Variants in TTN observed in about 807,000 individuals in gnomAD.
TTN encodes titin.
Under a neutral mutation model 3,223.0 loss-of-function variants are expected in TTN, and 1,525 were observed. That is an observed-to-expected ratio of 0.47 (90% CI 0.45 to 0.49). The LOEUF is 0.49. TTN is among the 20% of genes least tolerant of loss of function. The pLI is 0.00. For missense variants in TTN, 40,786 were observed against 43,424.0 expected (o/e 0.94, Z 5.40); for synonymous variants, 14,094 against 15,161.0 (o/e 0.93, Z 5.17).
rs1210629160 is a variant in TTN at position 178,779,139 on chromosome 2, G to T, written c.3964-21C>A. On this transcript the variant is annotated intron_variant, in intron 23 of 362. Coordinates refer to ENST00000589042, the MANE Select transcript of TTN (RefSeq NM_001267550.2). ...GCAATCTGCAAAGAATACCATGCAT[G>T]TATGAATAAAATTTACATCAAATAG... 6 of 1,613,222 alleles carry T rather than the reference G, an allele frequency of 3.7e-6. No homozygotes were observed. In the Admixed American group the frequency reaches 5.0e-5, roughly 13 times the overall value.
In TTN at chr2:178,617,966, A is replaced by G. The variant is rs1299417939; in HGVS notation, c.47385T>C (p.Ile15795=). 2.5e-6 allele frequency: 4 copies of G among 1,612,608 alleles called. No homozygotes were observed. In the South Asian group the frequency reaches 4.4e-5, roughly 18 times the overall value. Residue 15795 remains isoleucine, a synonymous_variant, in exon 253 of 363, where the codon ATT becomes ATC. Transcript: ENST00000589042. ...TGATAGAAGTCTTGTCTCTTAATTC[A>G]ATGACGTAGTTTGTGATCTCAGCAC... ...DGGAEITNYV[I]ELRDKTSIRW... is the part of the protein sequence containing the mutation.
At chr2:178,544,614 C>G in intron 344 of TTN, 108 bp from the exon 345 acceptor site, 2 of 890,060 alleles carry the variant, frequency 2.2e-6, no homozygotes, top group Non-Finnish European at 3.4e-6. Context: ...CTTGTCCACA[C>G]TCACCAAGAT....
In TTN at chr2:178,779,439, T is replaced by G. The variant is rs1385616683; in HGVS notation, c.3753A>C (p.Glu1251Asp). ...EDQEFHISSF[E>D]ERLIKEIEYR... ...ATTCAATTTCTTTAATAAGTCTCTC[T>G]TCAAAGGAAGAAATATGGAATTCCT... Residue 1251 changes from glutamate to aspartate, a missense_variant, in exon 23 of 363, where the codon GAA becomes GAC. Glu to Asp is a conservative substitution (Grantham distance 45). Transcript: ENST00000589042. 1 of 1,555,990 alleles carries G rather than the reference T, an allele frequency of 6.4e-7. No individual in the cohort carries two copies. The highest frequency in any genetic ancestry group is 8.8e-7 in the Non-Finnish European group (1 of 1,130,798).
Position 178,610,296 on chromosome 2 carries a change from G to A in TTN, c.51230C>T (p.Thr17077Ile). The change falls in exon 271 of 363, where the codon ACC becomes ATC. Residue 17077 changes from threonine to isoleucine, a missense_variant. Transcript: ENST00000589042. ...CTCCAGGACATAATGAAGAATTGGG[G>A]TTCCACCATCAAATTCTGGAGGTTC... ...TWEPPEFDGG[T>I]PILHYVLERR... is the part of the protein sequence containing the mutation. 6.2e-7 allele frequency: 1 copy of A among 1,612,890 alleles called. No homozygotes were observed. The highest frequency in any genetic ancestry group is 8.5e-7 in the Non-Finnish European group (1 of 1,179,238).
Position 178,652,733 on chromosome 2 carries a change from G to A in TTN, c.38963C>T (p.Pro12988Leu), listed in dbSNP as rs1487196893. The change falls in exon 201 of 363, where the codon CCA becomes CTA. Residue 12988 changes from proline (P) to leucine (L), a missense_variant. By Grantham distance (98) the Pro-to-Leu change is moderately conservative (BLOSUM62 -3). Transcript: ENST00000589042. ...KKPEVPPVKVPEAPKEVVPEK... is the reference protein window; with the variant it reads ...KKPEVPPVKVLEAPKEVVPEK... ...AGGAACAACCTCTTTGGGAGCCTCT[G>A]GTACTTAAAAGATATTAGTGAAATT... 1.9e-6 allele frequency: 3 copies of A among 1,612,806 alleles called. No homozygotes were observed. Among genetic ancestry groups the A allele is most frequent in the Non-Finnish European group, 2.5e-6 (3 of 1,179,388 alleles).
intron 308 of TTN, 114 bp downstream of exon 308, chr2:178,586,391 T>C (rs1409142351): frequency 1.5e-6 from 2 of 1,296,346 alleles, no homozygotes; most frequent in African/African-American, 1.5e-5. Context: ...CACTGTTCTC[T>C]ACTGTTTTTC....
At position 178,730,275 on chromosome 2, in the gene TTN, G is replaced by A; in HGVS notation, c.18125C>T (p.Thr6042Ile). Residue 6042 changes from threonine to isoleucine, a missense_variant, in exon 62 of 363, where the codon ACA (threonine) becomes ATA (isoleucine). Thr to Ile is a moderately conservative substitution (Grantham distance 89). Transcript: ENST00000589042. ...KALVGGTAPM[T>I]IKWFKDNKEL... Reference sequence around the variant, plus strand: ...TTTGTTATCTTTAAACCACTTTATTGTCATGGGTGCAGTGCCACCCACAAG... The same window carrying A: ...TTTGTTATCTTTAAACCACTTTATTATCATGGGTGCAGTGCCACCCACAAG... The A allele has an allele frequency of 6.2e-7, 1 of 1,612,860 alleles. No homozygotes were observed. The highest frequency in any genetic ancestry group is 8.5e-7 in the Non-Finnish European group (1 of 1,179,422).
At chr2:178,582,707 G>T in intron 313 of TTN, 115 bp from the exon 314 acceptor site, 1 of 1,107,062 alleles carries the variant, frequency 9.0e-7, no homozygotes, top group Non-Finnish European at 1.2e-6. Context: ...GACCTAGGAG[G>T]TTAGTTAATT....
chr2:178,607,697 G>A lies in TTN; in HGVS notation c.53003-12C>T. On this transcript the variant is annotated splice_polypyrimidine_tract_variant and intron_variant, in intron 276 of 362. Transcript: ENST00000589042. Reference sequence around the variant, plus strand: ...CACAGCTGGAGGCTCTGTTGAAAGAGAACAGTCATGCATTAGCCCATGAAA... The same window carrying A: ...CACAGCTGGAGGCTCTGTTGAAAGAAAACAGTCATGCATTAGCCCATGAAA... 3.7e-6 allele frequency: 6 copies of A among 1,612,648 alleles called. No homozygotes were observed. Among genetic ancestry groups the A allele is most frequent in the Non-Finnish European group, 5.1e-6 (6 of 1,179,280 alleles).
chr2:178,728,147 T>G lies in TTN; in HGVS notation c.19677A>C (p.Ala6559=), dbSNP rs372654116. 2.0e-5 allele frequency: 32 copies of G among 1,604,384 alleles called. No individual in the cohort carries two copies. Among genetic ancestry groups the G allele is most frequent in the Non-Finnish European group, 2.6e-5 (30 of 1,174,320 alleles). The part of the protein sequence containing the change: ...ANYTCKVSNV[A]GDDACSGILT... Reference sequence around the variant, plus strand: ...AGATGCCACTGCATGCATCATCTCCTGCTACATTTGACACTTTGCATGTGT... The same window carrying G: ...AGATGCCACTGCATGCATCATCTCCGGCTACATTTGACACTTTGCATGTGT... Residue 6559 remains alanine, a synonymous_variant, in exon 67 of 363, where the codon GCA becomes GCC. Transcript: ENST00000589042.
Position 178,566,768 on chromosome 2 carries a change from T to A in TTN, c.79364A>T (p.His26455Leu), listed in dbSNP as rs1706027095. 1.9e-6 allele frequency: 3 copies of A among 1,613,416 alleles called. No homozygotes were observed. The highest frequency in any genetic ancestry group is 2.5e-6 in the Non-Finnish European group (3 of 1,179,666). ...RLRVTGLTED[H>L]EYEFRVSAEN... ...TGCAGAGACCCTGAATTCATACTCA[T>A]GATCTTCTGTTAATCCTGTCACTCT... Residue 26455 changes from histidine (H) to leucine (L), a missense_variant, in exon 326 of 363, where the codon CAT (histidine) becomes CTT (leucine). His to Leu is a moderately conservative substitution (Grantham distance 99). Transcript: ENST00000589042.
chr2:178,753,332 C>T lies in TTN; in HGVS notation c.11255-152G>A, dbSNP rs1479871186. 9.9e-5 allele frequency: 58 copies of T among 587,096 alleles called. No homozygotes were observed. The East Asian group carries it at 1.7e-3, about 17-fold the overall frequency. 36.4% of individuals were successfully genotyped at this position (587,096 alleles called of 1,614,324 possible). A position where few individuals can be genotyped will look rare whatever the true frequency, so the allele number is the denominator to read the frequency against. ...TACCAAAAAGTCCATGCCAAACAAA[C>T]TATTGAGCTGATAAAACACATGACA... On this transcript the variant is annotated intron_variant, in intron 46 of 362. Transcript: ENST00000589042.
intron 127 of TTN, among the ~76,000 whole-genome samples, chr2:178,687,483 C>T (rs1254523794): frequency 6.6e-6 from 1 of 151,946 alleles, no homozygotes; most frequent in Non-Finnish European, 1.5e-5. Context: ...TGGTTTTCTC[C>T]ATATGTAAAA....
chr2:178,779,083 A>G lies in TTN; in HGVS notation c.3999T>C (p.His1333=). Residue 1333 remains histidine (H), a synonymous_variant, in exon 24 of 363, where the codon CAT becomes CAC. Coordinates refer to ENST00000589042, the MANE Select transcript of TTN (RefSeq NM_001267550.2). Reference sequence around the variant, plus strand: ...GAAAGTCCATTTGGTATCTTTCTCCATGTTTGATGCGCTTGCCATCTTTGT... The same window carrying G: ...GAAAGTCCATTTGGTATCTTTCTCCGTGTTTGATGCGCTTGCCATCTTTGT... The part of the protein sequence containing the change: ...AWYKDGKRIK[H]GERYQMDFLQ... 3.7e-6 allele frequency: 6 copies of G among 1,613,974 alleles called. No individual in the cohort carries two copies. The highest frequency in any genetic ancestry group is 5.1e-6 in the Non-Finnish European group (6 of 1,179,944).
rs764015733 is a variant in TTN at position 178,685,518 on chromosome 2, C to G, written c.32392G>C (p.Val10798Leu). 1 of 1,611,656 alleles carries G rather than the reference C, an allele frequency of 6.2e-7. No homozygotes were observed. Among genetic ancestry groups the G allele is most frequent in the Non-Finnish European group, 8.5e-7 (1 of 1,178,780 alleles). Residue 10798 changes from valine (V) to leucine (L), a missense_variant and splice_region_variant, in exon 128 of 363, where the codon GTG (valine) becomes CTG (leucine). Val to Leu is a conservative substitution (Grantham distance 32). Coordinates refer to ENST00000589042, the MANE Select transcript of TTN (RefSeq NM_001267550.2). ...SKRVEAEPAE[V>L]TERQEKKIVL... ...AAAACTAATTAAAGAGTCAGCATAC[C>G]TTCAGCTGGCTCAGCTTCCACTCTC...
intron 12 of TTN, 56 bp downstream of exon 12, chr2:178,789,922 T>C: frequency 6.2e-7 from 1 of 1,606,436 alleles, no homozygotes; most frequent in Non-Finnish European, 8.5e-7. Flanking sequence ...TAGTTAATAG[T>C]TTACTAGAAA....
Position 178,670,237 on chromosome 2 carries a change from G to A in TTN, c.35367C>T (p.Pro11789=), listed in dbSNP as rs2154263803. 6.7e-7 allele frequency: 1 copy of A among 1,488,142 alleles called. No individual in the cohort carries two copies. The highest frequency in any genetic ancestry group is 8.9e-7 in the Non-Finnish European group (1 of 1,124,332). 92.2% of individuals were successfully genotyped at this position (1,488,142 alleles called of 1,614,324 possible). Reference sequence around the variant, plus strand: ...AGTTACCTTTAGTTGGTGGAACTCTGGGCTCTTCAGGAACACGTACTTTTT... The same window carrying A: ...AGTTACCTTTAGTTGGTGGAACTCTAGGCTCTTCAGGAACACGTACTTTTT... The part of the protein sequence containing the change: ...VEEKVRVPEE[P]RVPPTKAPEV... The change falls in exon 157 of 363, where the codon CCC becomes CCT. Residue 11789 remains proline, a synonymous_variant. Transcript: ENST00000589042.
At position 178,562,799 on chromosome 2, in the gene TTN, A is replaced by G; in HGVS notation, c.83333T>C (p.Val27778Ala). 6.2e-7 allele frequency: 1 copy of G among 1,613,184 alleles called. No homozygotes were observed. The highest frequency in any genetic ancestry group is 2.2e-5 in the East Asian group (1 of 44,718). The change falls in exon 326 of 363, where the codon GTG becomes GCG. Residue 27778 changes from valine to alanine, a missense_variant. Coordinates refer to ENST00000589042, the MANE Select transcript of TTN (RefSeq NM_001267550.2). Reference sequence around the variant, plus strand: ...GGACAACGTCACTGAGTCTTTCTTCACTTCTCTTATGGTCAAATTCACAGG... The same window carrying G: ...GGACAACGTCACTGAGTCTTTCTTCGCTTCTCTTATGGTCAAATTCACAGG... ...SAPVNLTIRE[V>A]KKDSVTLSWE...
intron 313 of TTN, 66 bp from the exon 314 acceptor site, chr2:178,582,658 G>A (rs1278892987): frequency 7.0e-7 from 1 of 1,428,922 alleles, no homozygotes; most frequent in Non-Finnish European, 9.3e-7. Context: ...GAGGTCTGGA[G>A]ACCTGGGCTG....
Sources: allele counts gnomAD v4.1 joint callset (sites outside exome capture counted in the v4.1 genomes callset), GRCh38; gene constraint gnomAD v4.1.1; transcripts MANE v1.5; gene names NCBI Gene and HGNC (gene_info 2026-07-23, HGNC 2026-07-21).